The following CCDC169 variants were observed in gnomAD, a reference collection of about 807,000 sequenced individuals.
CCDC169 encodes the protein coiled-coil domain-containing protein 169.
CCDC169 carries 30 observed loss-of-function variants against 36.0 expected under a neutral mutation model. The ratio of observed to expected loss-of-function variants is 0.83; its 90% CI spans 0.62 to 1.13. CCDC169 has a LOEUF of 1.13. Among genes scored for constraint, CCDC169 ranks in the 50% most tolerant of loss-of-function variants. The pLI is 0.00. For synonymous variants in CCDC169, 85 were observed against 81.5 expected (o/e 1.04, Z -0.23); for missense variants, 245 against 245.9 (o/e 1.00, Z 0.03).
intron 4 of CCDC169, chr13:36,267,134 T>C (rs1424864173): frequency 1.3e-5 from 2 of 152,214 alleles, no homozygotes; most frequent in Non-Finnish European, 2.9e-5. Flanking sequence ...GGCTGTAATG[T>C]AGTCTAGGAA....
At chr13:36,269,512 C>T (rs990379070) in intron 4 of CCDC169, among the ~76,000 whole-genome samples, 1 of 152,116 alleles carries the variant, frequency 6.6e-6, no homozygotes, top group African/African-American at 2.4e-5. Context: ...AACATAGAGG[C>T]AGAAATCCTC....
At chr13:36,281,304 AC>A (rs1312998436) in intron 4 of CCDC169, 1 of 442,686 alleles carries the variant, frequency 2.3e-6, no homozygotes, top group African/African-American at 2.0e-5. Flanking sequence ...AAAAAACTTT[AC>A]TTGTTTAAAC....
chr13:36,247,016 G>T (rs1872581695), intron 7 of CCDC169, among the ~76,000 whole-genome samples: 2 of 152,144 alleles, frequency 1.3e-5, no homozygotes, highest in South Asian at 4.1e-4. Context: ...GTGAGTTTAT[G>T]TTGAAGCTAA....
chr13:36,272,225 A>AAAAAAAACCATTTGTACCCC (rs2138564466), intron 4 of CCDC169, among the ~76,000 whole-genome samples: 1 of 151,944 alleles, frequency 6.6e-6, no homozygotes, highest in East Asian at 1.9e-4. Flanking sequence ...TGTGACAAAA[A>AAAAAAAACCATTTGTACCCC]AAAAAAACCA....
chr13:36,270,268 C>T (rs1072674), intron 4 of CCDC169, among the ~76,000 whole-genome samples: 38,675 of 151,884 alleles, frequency 0.25, 5,189 homozygotes, highest in East Asian at 0.49. Context: ...AAGAAATCAC[C>T]GATGAAACAC....
intron 7 of CCDC169, among the ~76,000 whole-genome samples, chr13:36,235,808 C>A (rs766843971): frequency 1.3e-5 from 2 of 151,640 alleles, no homozygotes; most frequent in South Asian, 4.2e-4. Flanking sequence ...CTCAGGGTTT[C>A]TGGATTTAAG....
intron 7 of CCDC169, among the ~76,000 whole-genome samples, chr13:36,248,008 C>T (rs953486163): frequency 2.6e-5 from 4 of 152,132 alleles, no homozygotes; most frequent in Admixed American, 1.3e-4. Context: ...CCACCCTGAT[C>T]CATCAGGAGC....
At chr13:36,270,100 A>C (rs1163777028) in intron 4 of CCDC169, among the ~76,000 whole-genome samples, 3 of 152,234 alleles carry the variant, frequency 2.0e-5, no homozygotes, top group Non-Finnish European at 4.4e-5. Context: ...ATCAATGTAC[A>C]CAAATCAGTA....
chr13:36,269,961 T>C (rs1380707786), intron 4 of CCDC169, among the ~76,000 whole-genome samples: 4 of 152,266 alleles, frequency 2.6e-5, no homozygotes, highest in East Asian at 1.9e-4. Flanking sequence ...GGCATCCAAA[T>C]TGGAAAAGAG....
At position 36,251,921 on chromosome 13, in the gene CCDC169, C is replaced by G. The variant is rs576939417; in HGVS notation, c.468+1882G>C. ...CCTATTATGTGTCAGAAACTTCAACCAGCACTTCGCACATATTATTTCTCT... is the reference window on the plus strand; with the variant it reads ...CCTATTATGTGTCAGAAACTTCAACGAGCACTTCGCACATATTATTTCTCT... On this transcript the variant is annotated intron_variant, in intron 6 of 7. Transcript: ENST00000239859. Among the ~76,000 whole-genome samples, 3 of 152,294 alleles carry G rather than the reference C, an allele frequency of 2.0e-5. No homozygotes were observed. The South Asian group carries it at 6.2e-4, about 32-fold the overall frequency.
chr13:36,226,905 C>A, downstream of CCDC169: 2 of 401,780 alleles, frequency 5.0e-6, no homozygotes, highest in Non-Finnish European at 8.8e-6. Flanking sequence ...ATACAATATA[C>A]CACGATAGCA....
At chr13:36,266,310 A>G (rs1468764544) in intron 4 of CCDC169, among the ~76,000 whole-genome samples, 1 of 152,108 alleles carries the variant, frequency 6.6e-6, no homozygotes, top group Non-Finnish European at 1.5e-5. Flanking sequence ...TGTTGGGAAG[A>G]GGCCTCCGCA....
intron 7 of CCDC169, among the ~76,000 whole-genome samples, chr13:36,236,722 T>C (rs1169038338): frequency 2.6e-5 from 4 of 151,966 alleles, no homozygotes; most frequent in Non-Finnish European, 4.4e-5. Context: ...TCTGATAAGG[T>C]CTCATACTCA....
intron 4 of CCDC169, among the ~76,000 whole-genome samples, chr13:36,255,057 T>G (rs1167800295): frequency 6.6e-6 from 1 of 152,158 alleles, no homozygotes; most frequent in Non-Finnish European, 1.5e-5. Context: ...CAGAGTGCTC[T>G]CTCAGTGGAC....
chr13:36,287,741 T>C (rs958845245), intron 2 of CCDC169, among the ~76,000 whole-genome samples: 1 of 152,210 alleles, frequency 6.6e-6, no homozygotes, highest in Admixed American at 6.5e-5. Context: ...CATACATTTT[T>C]GTCTAAGTGG....
chr13:36,241,819 CCT>C (rs1446397304), intron 7 of CCDC169, among the ~76,000 whole-genome samples: 2 of 151,998 alleles, frequency 1.3e-5, no homozygotes, highest in East Asian at 3.9e-4. Flanking sequence ...ATGGTTTGGC[CCT>C]TTGTCCCCAA....
chr13:36,230,934 A>G lies in CCDC169; in HGVS notation c.*259T>C. ...AGATCATGGGTATATTATTGAAAGC[A>G]AGTGTAATGATGCCAGCCTTCAGAT... On this transcript the variant is annotated 3_prime_UTR_variant, in exon 8 of 8. Transcript: ENST00000239859. The G allele has an allele frequency of 3.4e-6, 4 of 1,172,096 alleles. No individual in the cohort carries two copies. Among genetic ancestry groups the G allele is most frequent in the Non-Finnish European group, 4.2e-6 (4 of 948,684 alleles). 72.6% of individuals were successfully genotyped at this position (1,172,096 alleles called of 1,614,324 possible). A position where few individuals can be genotyped will look rare whatever the true frequency, so the allele number is the denominator to read the frequency against.
At chr13:36,223,582 A>C (rs1215954248), downstream of CCDC169, 1 of 152,110 alleles carries the variant, frequency 6.6e-6, no homozygotes, top group Non-Finnish European at 1.5e-5. Flanking sequence ...TATTATCTTA[A>C]AGGTACTTTT....
chr13:36,283,483 C>T lies in CCDC169; in HGVS notation c.301G>A (p.Glu101Lys). ...SDRLSSIRVYERMPVESLNTL... is the reference protein window; with the variant it reads ...SDRLSSIRVYKRMPVESLNTL... ...TTTCTACTCACCACTGGCATTCGTT[C>T]ATAGACACGAATAGAAGATAGTCTA... The change falls in exon 4 of 8, where the codon GAA becomes AAA. Residue 101 changes from glutamate to lysine, a missense_variant. By Grantham distance (56) the Glu-to-Lys change is moderately conservative. Coordinates refer to ENST00000239859, the MANE Select transcript of CCDC169 (RefSeq NM_001144981.3). 3.2e-6 allele frequency: 5 copies of T among 1,549,036 alleles called. No individual in the cohort carries two copies. Among genetic ancestry groups the T allele is most frequent in the Non-Finnish European group, 4.4e-6 (5 of 1,144,914 alleles).
Sources: allele counts gnomAD v4.1 joint callset (sites outside exome capture counted in the v4.1 genomes callset), GRCh38; gene constraint gnomAD v4.1.1; transcripts MANE v1.5; gene names NCBI Gene and HGNC (gene_info 2026-07-23, HGNC 2026-07-21).